ERC2: variants seen among roughly 807,000 people sequenced by gnomAD.
ERC2 encodes the protein ERC protein 2.
Under a neutral mutation model 114.8 loss-of-function variants are expected in ERC2, and 42 were observed. That is an observed-to-expected ratio of 0.37 (90% CI 0.29 to 0.47). The LOEUF (loss-of-function observed/expected upper bound fraction) is 0.47, where lower values mean the gene tolerates loss of function less well. Among genes scored for constraint, ERC2 ranks in the 20% least tolerant of loss-of-function variants. The probability of loss-of-function intolerance (pLI) is 0.99; values close to 1 mark genes in which losing one functional copy is unlikely to be tolerated. For missense variants in ERC2, 939 were observed against 1,150.7 expected (o/e 0.82, Z 2.66); for synonymous variants, 454 against 425.5 (o/e 1.07, Z -0.82).
In ERC2 at chr3:55,594,752, A is replaced by G. The variant is rs372182234; in HGVS notation, c.*40-83476T>C. The stretch of plus-strand genomic sequence containing the variant: ...ACTGACCTTGGCCTCCTAAAGTGCT[A>G]GGATTACAGGCATGAGCCACTGCGC... On this transcript the variant is annotated intron_variant, in intron 17 of 17. Transcript: ENST00000288221. Among the ~76,000 whole-genome samples, 17 of 152,226 alleles carry G rather than the reference A, an allele frequency of 1.1e-4. No individual in the cohort carries two copies. In the East Asian group the frequency reaches 3.1e-3, roughly 28 times the overall value.
chr3:56,425,124 C>T (rs1440292208), intron 2 of ERC2, among the ~76,000 whole-genome samples: 1 of 152,126 alleles, frequency 6.6e-6, no homozygotes, highest in East Asian at 1.9e-4. Flanking sequence ...CTTTAGAGAA[C>T]TGCTCCTCTC....
chr3:55,973,497 A>T (rs988280445), intron 12 of ERC2, among the ~76,000 whole-genome samples: 3 of 152,220 alleles, frequency 2.0e-5, no homozygotes, highest in Non-Finnish European at 2.9e-5. Context: ...TAAGTTTTTT[A>T]AAATTGTTTT....
chr3:56,000,879 C>T (rs1189955057), intron 10 of ERC2, among the ~76,000 whole-genome samples: 3 of 144,102 alleles, frequency 2.1e-5, no homozygotes, highest in South Asian at 4.5e-4. Context: ...CAGAGCGAGA[C>T]TTCGTCTTAA....
At chr3:56,446,624 TC>T (rs373371625) in intron 1 of ERC2, among the ~76,000 whole-genome samples, 6 of 106,366 alleles carry the variant, frequency 5.6e-5, no homozygotes, top group Admixed American at 8.8e-5. Context: ...TTTTTTTTTT[TC>T]TTTCTTTTTT....
At chr3:56,082,218 G>A (rs1427890252) in intron 6 of ERC2, among the ~76,000 whole-genome samples, 1 of 152,120 alleles carries the variant, frequency 6.6e-6, no homozygotes, top group Non-Finnish European at 1.5e-5. Context: ...AAAAGGTGGG[G>A]CCTTTAGGAG....
chr3:56,099,383 A>G (rs2078229320), intron 6 of ERC2, among the ~76,000 whole-genome samples: 2 of 152,128 alleles, frequency 1.3e-5, no homozygotes, highest in South Asian at 4.2e-4. Flanking sequence ...TCCACTTACC[A>G]CTACCAGCTA....
chr3:55,508,822 G>A lies in ERC2; in HGVS notation c.*2494C>T, dbSNP rs1258374740. ...TTGAGACTGTACATCGAAATCAAAT[G>A]GGGTATAAAGCACAAGCCTGCTTTT... On this transcript the variant is annotated 3_prime_UTR_variant, in exon 18 of 18. Transcript: ENST00000288221. The A allele has an allele frequency of 6.6e-6, 1 of 152,384 alleles. No individual in the cohort carries two copies. Among genetic ancestry groups the A allele is most frequent in the Non-Finnish European group, 1.5e-5 (1 of 67,978 alleles). The allele number at this position is 152,384 out of a possible 1,614,324, so 9.4% of individuals were successfully genotyped here.
chr3:55,957,452 G>A (rs1214061987), intron 12 of ERC2, among the ~76,000 whole-genome samples: 1 of 152,198 alleles, frequency 6.6e-6, no homozygotes, highest in African/African-American at 2.4e-5. Context: ...CACACAGTGA[G>A]TGCTTTATAA....
At chr3:55,704,424 T>C (rs577690695) in intron 15 of ERC2, among the ~76,000 whole-genome samples, 1 of 152,372 alleles carries the variant, frequency 6.6e-6, no homozygotes, top group Non-Finnish European at 1.5e-5. Flanking sequence ...GATATGGAGA[T>C]AATACTGTAC....
chr3:55,563,664 C>T (rs1389702022), intron 17 of ERC2, among the ~76,000 whole-genome samples: 1 of 152,194 alleles, frequency 6.6e-6, no homozygotes, highest in Non-Finnish European at 1.5e-5. Flanking sequence ...TTCTATCTTT[C>T]CCCCAGCCAT....
chr3:55,774,046 GC>G (rs1381796253), intron 14 of ERC2, among the ~76,000 whole-genome samples: 2 of 152,168 alleles, frequency 1.3e-5, no homozygotes, highest in Admixed American at 1.3e-4. Context: ...CCTTCTGGCT[GC>G]CCTGCTTAAG....
chr3:56,199,817 G>A (rs1400374108), intron 3 of ERC2, among the ~76,000 whole-genome samples: 3 of 152,060 alleles, frequency 2.0e-5, no homozygotes, highest in African/African-American at 7.2e-5. Context: ...CCAGCCATAC[G>A]CTTTTTAAGA....
At chr3:56,385,801 G>A (rs1477513247) in intron 2 of ERC2, among the ~76,000 whole-genome samples, 2 of 152,080 alleles carry the variant, frequency 1.3e-5, no homozygotes, top group Non-Finnish European at 2.9e-5. Context: ...TAGCTCATTT[G>A]GGTCCCTTTA....
At chr3:55,797,704 T>C (rs2070629703) in intron 14 of ERC2, among the ~76,000 whole-genome samples, 1 of 152,202 alleles carries the variant, frequency 6.6e-6, no homozygotes. Context: ...TGTTCAAACA[T>C]GCATATTATG....
chr3:55,861,180 GT>G lies in ERC2; in HGVS notation c.2564+27208del, dbSNP rs1392270231. Among the ~76,000 whole-genome samples the G allele has an allele frequency of 2.6e-5, 4 of 152,288 alleles. No homozygotes were observed. In the South Asian group the frequency reaches 8.3e-4, roughly 32 times the overall value. ...AAGTTGCTTTTCCCCCTTTTGGCAT[GT>G]ATCTGTATCATTTCTGTGCTATTTG... On this transcript the variant is annotated intron_variant, in intron 14 of 17. Coordinates refer to ENST00000288221, the MANE Select transcript of ERC2 (RefSeq NM_015576.3).
intron 4 of ERC2, among the ~76,000 whole-genome samples, chr3:56,160,865 G>C (rs1160361265): frequency 6.6e-6 from 1 of 152,120 alleles, no homozygotes; most frequent in Non-Finnish European, 1.5e-5. Flanking sequence ...ATACTATGCT[G>C]TTTTGTTTAT....
chr3:55,900,055 G>T (rs990656844), intron 13 of ERC2, among the ~76,000 whole-genome samples: 1 of 152,120 alleles, frequency 6.6e-6, no homozygotes, highest in Non-Finnish European at 1.5e-5. Context: ...CTTAAGATGG[G>T]CTACTCTTTA....
At chr3:56,150,338 T>C (rs2081352890) in intron 4 of ERC2, among the ~76,000 whole-genome samples, 1 of 152,116 alleles carries the variant, frequency 6.6e-6, no homozygotes, top group South Asian at 2.1e-4. Context: ...CTATGCCCAG[T>C]GGTATATCTC....
In ERC2 at chr3:56,173,491, C is replaced by T. The variant is rs559591672; in HGVS notation, c.1104G>A (p.Pro368=). 86 of 1,613,866 alleles carry T rather than the reference C, an allele frequency of 5.3e-5. No homozygotes were observed. Among genetic ancestry groups the T allele is most frequent in the Middle Eastern group, 1.6e-4 (1 of 6,062 alleles). ...EELHRRSQLQ[P]EPAKTKALQT... ...GGAGAGCCTTCGTCTTGGCTGGCTCCGGCTGAAGTTGGCTTCTTCGGTGCA... is the reference window on the plus strand; with the variant it reads ...GGAGAGCCTTCGTCTTGGCTGGCTCTGGCTGAAGTTGGCTTCTTCGGTGCA... Residue 368 remains proline, a synonymous_variant, in exon 4 of 18, where the codon CCG becomes CCA. Coordinates refer to ENST00000288221, the MANE Select transcript of ERC2 (RefSeq NM_015576.3).
Sources: allele counts gnomAD v4.1 joint callset (sites outside exome capture counted in the v4.1 genomes callset), GRCh38; gene constraint gnomAD v4.1.1; transcripts MANE v1.5; gene names NCBI Gene and HGNC (gene_info 2026-07-23, HGNC 2026-07-21).